The following MSH4 variants were observed in gnomAD, a reference collection of about 807,000 sequenced individuals.
MSH4 encodes the protein mutS homolog 4.
MSH4 carries 106 observed loss-of-function variants against 113.7 expected under a neutral mutation model. The ratio of observed to expected loss-of-function variants is 0.93; its 90% CI spans 0.80 to 1.10. The LOEUF (loss-of-function observed/expected upper bound fraction) is 1.10, where lower values mean the gene tolerates loss of function less well. Among genes scored for constraint, MSH4 ranks in the 50% least tolerant of loss-of-function variants. The pLI, the probability that MSH4 is intolerant of heterozygous loss-of-function variation, is 0.00. For missense variants in MSH4, 1,061 were observed against 1,093.7 expected, an observed-to-expected ratio of 0.97 and a Z score of 0.42; for synonymous variants, 368 against 380.2, an observed-to-expected ratio of 0.97 and a Z score of 0.37.
chr1:75,797,743 C>T (rs1354123537), intron 1 of MSH4, among the ~76,000 whole-genome samples: 1 of 152,140 alleles, frequency 6.6e-6, no homozygotes, highest in Non-Finnish European at 1.5e-5. Flanking sequence ...ACCAGCCTGG[C>T]CAACATGGTG....
intron 7 of MSH4, among the ~76,000 whole-genome samples, chr1:75,847,524 C>T (rs565604729): frequency 2.0e-5 from 3 of 152,178 alleles, no homozygotes; most frequent in East Asian, 3.9e-4. Context: ...GAGGGTAAGT[C>T]GTGTTGCTAT....
chr1:75,823,624 C>G (rs1000143208), intron 7 of MSH4, among the ~76,000 whole-genome samples: 11 of 152,158 alleles, frequency 7.2e-5, no homozygotes, highest in African/African-American at 2.4e-4. Context: ...TCTCCCTCCC[C>G]TTTCCCTCCA....
intron 4 of MSH4, among the ~76,000 whole-genome samples, chr1:75,814,405 T>C (rs1294798828): frequency 1.3e-5 from 2 of 151,710 alleles, no homozygotes; most frequent in Non-Finnish European, 2.9e-5. Context: ...TTCAAATTTG[T>C]AGTGAGCTAT....
intron 8 of MSH4, among the ~76,000 whole-genome samples, chr1:75,859,010 G>T (rs1315521325): frequency 6.6e-6 from 1 of 152,124 alleles, no homozygotes; most frequent in East Asian, 1.9e-4. Flanking sequence ...TATGTGTCCA[G>T]GAATTTATCC....
intron 7 of MSH4, among the ~76,000 whole-genome samples, chr1:75,823,453 T>A (rs1163107683): frequency 6.6e-6 from 1 of 150,860 alleles, no homozygotes; most frequent in Non-Finnish European, 1.5e-5. Context: ...ATATTGCTAA[T>A]TTTTTTTTTC....
chr1:75,893,643 C>G (rs1652309267), intron 17 of MSH4, among the ~76,000 whole-genome samples: 2 of 152,174 alleles, frequency 1.3e-5, no homozygotes, highest in African/African-American at 4.8e-5. Context: ...ATAACTAGAT[C>G]TCTAAAGGTG....
At chr1:75,891,892 G>A (rs1006839796) in intron 17 of MSH4, among the ~76,000 whole-genome samples, 1 of 152,182 alleles carries the variant, frequency 6.6e-6, no homozygotes, top group Non-Finnish European at 1.5e-5. Flanking sequence ...TAAATAAAGT[G>A]CATATATTAC....
intron 19 of MSH4, among the ~76,000 whole-genome samples, chr1:75,901,544 T>G (rs1374909082): frequency 6.6e-6 from 1 of 152,232 alleles, no homozygotes; most frequent in Non-Finnish European, 1.5e-5. Context: ...CACATTTTCT[T>G]TATCCATTCA....
At chr1:75,805,216 A>G (rs1412628923) in intron 2 of MSH4, among the ~76,000 whole-genome samples, 2 of 152,130 alleles carry the variant, frequency 1.3e-5, no homozygotes, top group Admixed American at 6.6e-5. Flanking sequence ...TTCTAAAAAT[A>G]CATTTATGCT....
At chr1:75,848,974 A>G (rs5745412) in intron 8 of MSH4, among the ~76,000 whole-genome samples, 17,270 of 152,092 alleles carry the variant, frequency 0.11, 1,272 homozygotes, top group Non-Finnish European at 0.16. Context: ...CTCTGTCACC[A>G]AGGCTGGAGT....
rs372222650 is a variant in MSH4, at chr1:75,796,968, C to A, written c.-18C>A. 97 of 1,613,366 alleles carry A rather than the reference C, an allele frequency of 6.0e-5. No individual in the cohort carries two copies. Among genetic ancestry groups the A allele is most frequent in the Middle Eastern group, 3.3e-4 (2 of 6,082 alleles). The stretch of plus-strand genomic sequence containing the variant: ...CTCAGAAACCTCATACTTCTCGGGT[C>A]AGGGAAGGTTTGGGAGGATGCTGAG... On this transcript the variant is annotated 5_prime_UTR_variant, in exon 1 of 20. Transcript: ENST00000263187.
chr1:75,856,724 T>A (rs952176159), intron 8 of MSH4, among the ~76,000 whole-genome samples: 2 of 152,210 alleles, frequency 1.3e-5, no homozygotes, highest in African/African-American at 4.8e-5. Flanking sequence ...TCTTTGCTAT[T>A]GTGAATAGTG....
chr1:75,900,970 C>A (rs1263921450), intron 19 of MSH4, among the ~76,000 whole-genome samples: 1 of 152,080 alleles, frequency 6.6e-6, no homozygotes, highest in Non-Finnish European at 1.5e-5. Context: ...TTATCCACTG[C>A]AAATTCATAT....
chr1:75,881,857 T>G (rs1394682146), intron 14 of MSH4, among the ~76,000 whole-genome samples: 1 of 152,054 alleles, frequency 6.6e-6, no homozygotes. Flanking sequence ...AAATGTTAAG[T>G]AATTTTCTCA....
chr1:75,881,610 A>T (rs1651934187), intron 14 of MSH4, among the ~76,000 whole-genome samples: 1 of 152,008 alleles, frequency 6.6e-6, no homozygotes, highest in Non-Finnish European at 1.5e-5. Flanking sequence ...GAAACTAAAG[A>T]TTCCCCAAAT....
Position 75,796,903 on chromosome 1 carries a change from C to A in MSH4, c.-83C>A. The stretch of plus-strand genomic sequence containing the variant: ...CGGCGCGCAGTTCTCCCGCCCGTTT[C>A]AGCGGCGCAGCTTCTGTAGTTGGGC... On this transcript the variant is annotated 5_prime_UTR_variant, in exon 1 of 20. Transcript: ENST00000263187. The A allele has an allele frequency of 5.7e-6, 9 of 1,578,788 alleles. No homozygotes were observed. The highest frequency in any genetic ancestry group is 7.8e-6 in the Non-Finnish European group (9 of 1,159,832).
chr1:75,887,620 G>A (rs745761761), intron 15 of MSH4, among the ~76,000 whole-genome samples: 18 of 152,128 alleles, frequency 1.2e-4, no homozygotes, highest in Non-Finnish European at 2.6e-4. Context: ...AGATGAGTAA[G>A]TCAAAGTATT....
At chr1:75,885,319 GTGT>G (rs1652049519) in intron 15 of MSH4, among the ~76,000 whole-genome samples, 1 of 28,242 alleles carries the variant, frequency 3.5e-5, no homozygotes, top group Non-Finnish European at 1.1e-4. Flanking sequence ...CACACTGGGG[GTGT>G]GTGTGTGTGT....
chr1:75,844,834 G>A (rs527898478), intron 7 of MSH4, among the ~76,000 whole-genome samples: 19 of 152,288 alleles, frequency 1.2e-4, no homozygotes, highest in African/African-American at 4.6e-4. Context: ...CCTGAGACTA[G>A]GTAATTTATA....
Sources: allele counts gnomAD v4.1 joint callset (sites outside exome capture counted in the v4.1 genomes callset), GRCh38; gene constraint gnomAD v4.1.1; transcripts MANE v1.5; gene names NCBI Gene and HGNC (gene_info 2026-07-23, HGNC 2026-07-21).